GABRB3: variants seen among roughly 807,000 people sequenced by gnomAD.
The protein encoded by GABRB3 is gamma-aminobutyric acid type A receptor subunit beta3.
Under a neutral mutation model 52.1 loss-of-function variants are expected in GABRB3, and 14 were observed. The observed-to-expected ratio is 0.27, with a 90% confidence interval of 0.18 to 0.42. The LOEUF (loss-of-function observed/expected upper bound fraction) is 0.42. Among genes scored for constraint, GABRB3 ranks in the 10% least tolerant of loss-of-function variants. GABRB3 has a pLI of 1.00. For missense variants in GABRB3, 307 were observed against 609.1 expected, an observed-to-expected ratio of 0.50 and a Z score of 5.22; for synonymous variants, 260 against 232.3, an observed-to-expected ratio of 1.12 and a Z score of -1.08.
chr15:26,675,287 A>G (rs1463189372), intron 3 of GABRB3, among the ~76,000 whole-genome samples: 8 of 152,226 alleles, frequency 5.3e-5, no homozygotes, highest in African/African-American at 1.7e-4. Context: ...GTTCTACTGA[A>G]GAGTGGAGCA....
chr15:26,562,361 G>A (rs948291782), intron 7 of GABRB3, among the ~76,000 whole-genome samples: 6 of 152,270 alleles, frequency 3.9e-5, no homozygotes, highest in African/African-American at 1.4e-4. Context: ...TGGGTTTCAG[G>A]ACCCAATAAA....
intron 3 of GABRB3, among the ~76,000 whole-genome samples, chr15:26,634,885 GA>G (rs935105855): frequency 1.0e-4 from 14 of 135,362 alleles, no homozygotes; most frequent in Non-Finnish European, 2.1e-4. Context: ...TTTATAGAGA[GA>G]AAAAACTTTA....
intron 7 of GABRB3, 85 bp downstream of exon 7, chr15:26,567,496 A>T: frequency 7.5e-7 from 1 of 1,329,548 alleles, no homozygotes; most frequent in Non-Finnish European, 1.1e-6. Flanking sequence ...AAAAAATGGT[A>T]GTTGAACTAC....
chr15:26,641,947 T>A (rs959480759), intron 3 of GABRB3, among the ~76,000 whole-genome samples: 1 of 152,010 alleles, frequency 6.6e-6, no homozygotes, highest in Non-Finnish European at 1.5e-5. Context: ...TAGAGTGCAG[T>A]GACTCGATCA....
intron 3 of GABRB3, among the ~76,000 whole-genome samples, chr15:26,658,224 T>TCAG (rs1327272383): frequency 6.6e-6 from 1 of 152,120 alleles, no homozygotes; most frequent in Non-Finnish European, 1.5e-5. Context: ...ACTTGACTAG[T>TCAG]CAGCATTCCC....
chr15:26,708,840 C>A (rs1012283340), intron 3 of GABRB3, among the ~76,000 whole-genome samples: 4 of 152,150 alleles, frequency 2.6e-5, no homozygotes, highest in Non-Finnish European at 5.9e-5. Context: ...TTCCTCAGCT[C>A]CCTTGTCTGT....
chr15:26,734,707 G>A (rs548736721), intron 3 of GABRB3, among the ~76,000 whole-genome samples: 3 of 151,678 alleles, frequency 2.0e-5, no homozygotes, highest in African/African-American at 7.3e-5. Context: ...GGAAGCCAAG[G>A]GAGGAGGATT....
intron 3 of GABRB3, among the ~76,000 whole-genome samples, chr15:26,687,104 G>A (rs1051560069): frequency 3.3e-5 from 5 of 152,230 alleles, no homozygotes; most frequent in African/African-American, 1.2e-4. Flanking sequence ...GCAGGGAGGA[G>A]TCTCTGGGTG....
intron 3 of GABRB3, among the ~76,000 whole-genome samples, chr15:26,765,987 C>T (rs1881329237): frequency 6.6e-6 from 1 of 152,112 alleles, no homozygotes; most frequent in Admixed American, 6.5e-5. Flanking sequence ...GAGCCTATTT[C>T]CTCATCTAAA....
intron 4 of GABRB3, among the ~76,000 whole-genome samples, chr15:26,600,992 G>A (rs563965137): frequency 1.3e-5 from 2 of 152,124 alleles, no homozygotes; most frequent in Non-Finnish European, 2.9e-5. Context: ...GTGTGGGGGG[G>A]AGTAAAAGTG....
At chr15:26,746,485 G>C (rs187516909) in intron 3 of GABRB3, among the ~76,000 whole-genome samples, 1 of 151,516 alleles carries the variant, frequency 6.6e-6, no homozygotes, top group African/African-American at 2.4e-5. Flanking sequence ...CATGCTTTTG[G>C]TGTTAAATTT....
chr15:26,754,127 G>C (rs1377891913), intron 3 of GABRB3, among the ~76,000 whole-genome samples: 1 of 152,150 alleles, frequency 6.6e-6, no homozygotes, highest in Non-Finnish European at 1.5e-5. Flanking sequence ...GAGATAGAGG[G>C]ACTTGAAACA....
intron 3 of GABRB3, among the ~76,000 whole-genome samples, chr15:26,711,436 G>A (rs903265466): frequency 6.8e-6 from 1 of 147,872 alleles, no homozygotes; most frequent in African/African-American, 2.5e-5. Flanking sequence ...CGTGACGGAT[G>A]TGGCATATTC....
At chr15:26,761,254 G>T (rs111717887) in intron 3 of GABRB3, among the ~76,000 whole-genome samples, 2,249 of 152,146 alleles carry the variant, frequency 0.015, 53 homozygotes, top group African/African-American at 0.05. Flanking sequence ...AATTAGCCAG[G>T]TGTGGTGACA....
In GABRB3 at chr15:26,606,804, C is replaced by CGATAGATAGA. The variant is rs200249563; in HGVS notation, c.461+14509_461+14510insTCTATCTATC. ...TAGATATATCTATAGATAGATATATCTATAGATAGATAGATAGATAGATAG... is the reference window on the plus strand; with the variant it reads ...TAGATATATCTATAGATAGATATATCGATAGATAGATATAGATAGATAGATAGATAGATAG... On this transcript the variant is annotated intron_variant, in intron 4 of 8. Transcript: ENST00000311550. Among the ~76,000 whole-genome samples, 140 of 42,746 alleles carry CGATAGATAGA rather than the reference C, an allele frequency of 3.3e-3. 1 individual carries two copies. The highest frequency in any genetic ancestry group is 4.3e-3 in the Non-Finnish European group (75 of 17,286). The allele number at this position is 42,746 out of a possible 152,430, so 28.0% of individuals were successfully genotyped here.
chr15:26,628,922 G>A lies in GABRB3; in HGVS notation c.241-7388C>T, dbSNP rs1032973582. The A allele has an allele frequency of 7.3e-6, 11 of 1,497,630 alleles. No homozygotes were observed. In the African/African-American group the frequency reaches 1.1e-4, roughly 15 times the overall value. 92.8% of individuals were successfully genotyped at this position (1,497,630 alleles called of 1,614,324 possible). On this transcript the variant is annotated intron_variant, in intron 3 of 8. Coordinates refer to ENST00000311550, the MANE Select transcript of GABRB3 (RefSeq NM_000814.6). ...GCTGGGAGGTGTGGGGGAGTCAGGT[G>A]CAAGAGCGCCTCCACTCCTTGTGAC...
intron 3 of GABRB3, among the ~76,000 whole-genome samples, chr15:26,635,329 T>C (rs1412256904): frequency 6.6e-6 from 1 of 152,020 alleles, no homozygotes; most frequent in Non-Finnish European, 1.5e-5. Flanking sequence ...GGATGATCCA[T>C]GCCTCTGTGC....
At chr15:26,772,650 TTC>T (rs1566838065) in intron 2 of GABRB3, 29 bp downstream of exon 2, 1 of 1,524,042 alleles carries the variant, frequency 6.6e-7, no homozygotes, top group South Asian at 1.2e-5. Context: ...TGGGTCGCGC[TTC>T]CCGCAACGGC....
In GABRB3 at chr15:26,674,431, AGAAAG is replaced by A. The variant is rs1217753185; in HGVS notation, c.241-52902_241-52898del. On this transcript the variant is annotated intron_variant, in intron 3 of 8. Transcript: ENST00000311550. Reference sequence around the variant, plus strand: ...AAAAAAAAAAAAAAAAGAAAAGAAAAGAAAGGAAAGGAAAGGAAAGGAAAAGAAAA... The same window carrying A: ...AAAAAAAAAAAAAAAAGAAAAGAAAAGAAAGGAAAGGAAAGGAAAAGAAAA... Among the ~76,000 whole-genome samples, 757 of 94,058 alleles carry A rather than the reference AGAAAG, an allele frequency of 8.0e-3. 25 individuals carry two copies. Among genetic ancestry groups the A allele is most frequent in the Admixed American group, 0.06 (461 of 7,746 alleles). 61.7% of individuals were successfully genotyped at this position (94,058 alleles called of 152,430 possible). A position where few individuals can be genotyped will look rare whatever the true frequency, so the allele number is the denominator to read the frequency against.
Sources: allele counts gnomAD v4.1 joint callset (sites outside exome capture counted in the v4.1 genomes callset), GRCh38; gene constraint gnomAD v4.1.1; transcripts MANE v1.5; gene names NCBI Gene and HGNC (gene_info 2026-07-23, HGNC 2026-07-21).